The following EML5 variants were observed in gnomAD, a reference collection of about 807,000 sequenced individuals.
EML5 encodes EMAP like 5, also known as echinoderm microtubule-associated protein-like 5.
EML5 carries 120 observed loss-of-function variants against 250.0 expected under a neutral mutation model. The observed-to-expected ratio is 0.48, with a 90% CI of 0.41 to 0.56. The LOEUF is 0.56. EML5 is among the 20% of genes least tolerant of loss of function. The pLI is 0.00. For synonymous variants in EML5, 771 were observed against 806.5 expected (o/e 0.96, Z 0.75); for missense variants, 2,006 against 2,437.6 (o/e 0.82, Z 3.73).
At chr14:88,691,372 G>A (rs2092955515) in intron 17 of EML5, among the ~76,000 whole-genome samples, 1 of 152,146 alleles carries the variant, frequency 6.6e-6, no homozygotes, top group Admixed American at 6.5e-5. Flanking sequence ...CCTTGATTTT[G>A]TCCTTTGGCC....
intron 31 of EML5, among the ~76,000 whole-genome samples, chr14:88,642,091 G>A (rs1313109715): frequency 2.6e-5 from 4 of 152,040 alleles, no homozygotes; most frequent in African/African-American, 4.8e-5. Context: ...GGTTAATACC[G>A]ACAAGAGGTG....
In EML5 at chr14:88,649,824, T is replaced by C. The variant is rs531550899; in HGVS notation, c.4019+88A>G. ...TGTTGACAAATGTAGTTAAATGTTT[T>C]ATAGGGAAAAAATACCTTAAAATAC... On this transcript the variant is annotated intron_variant, in intron 28 of 43. Transcript: ENST00000554922. 4.7e-5 allele frequency: 52 copies of C among 1,103,788 alleles called. No homozygotes were observed. The African/African-American group carries it at 8.4e-4, about 18-fold the overall frequency. The allele number at this position is 1,103,788 out of a possible 1,614,324, so 68.4% of individuals were successfully genotyped here.
intron 4 of EML5, among the ~76,000 whole-genome samples, chr14:88,742,169 T>C (rs905060180): frequency 6.6e-6 from 1 of 152,116 alleles, no homozygotes; most frequent in Non-Finnish European, 1.5e-5. Flanking sequence ...CCAAATTATT[T>C]TGATGCTCAG....
Position 88,726,683 on chromosome 14 carries a change from A to G in EML5, c.1050-5T>C. On this transcript the variant is annotated splice_region_variant and splice_polypyrimidine_tract_variant and intron_variant, in intron 7 of 43. Transcript: ENST00000554922. ...TGATCTACTAGGCTCCATATCCTGT[A>G]AAATTTAATTTAAAAAATAAAAAAG... 2 of 1,522,914 alleles carry G rather than the reference A, an allele frequency of 1.3e-6. No individual in the cohort carries two copies. Among genetic ancestry groups the G allele is most frequent in the Non-Finnish European group, 8.8e-7 (1 of 1,135,516 alleles). 94.3% of individuals were successfully genotyped at this position (1,522,914 alleles called of 1,614,324 possible).
intron 10 of EML5, among the ~76,000 whole-genome samples, chr14:88,710,337 C>T (rs1051918622): frequency 6.6e-6 from 1 of 152,180 alleles, no homozygotes; most frequent in Admixed American, 6.5e-5. Context: ...GATTCTATAA[C>T]ATAAACTACT....
At chr14:88,632,497 T>C (rs1305657685) in intron 33 of EML5, among the ~76,000 whole-genome samples, 3 of 152,208 alleles carry the variant, frequency 2.0e-5, no homozygotes, top group African/African-American at 7.2e-5. Context: ...ATGACCACTA[T>C]CCCTCTCTAC....
chr14:88,626,008 C>T (rs1283247664), intron 35 of EML5: 1 of 152,334 alleles, frequency 6.6e-6, no homozygotes, highest in African/African-American at 2.4e-5. Flanking sequence ...GTCTCCTGAA[C>T]ACCCTTCTGT....
chr14:88,756,225 C>T (rs776920904), intron 1 of EML5, among the ~76,000 whole-genome samples: 2 of 152,048 alleles, frequency 1.3e-5, no homozygotes, highest in African/African-American at 4.8e-5. Context: ...ACAAATATGG[C>T]ATATTAACAG....
At chr14:88,662,336 C>CTTTT (rs1244105674) in intron 24 of EML5, among the ~76,000 whole-genome samples, 5 of 32,580 alleles carry the variant, frequency 1.5e-4, no homozygotes, top group African/African-American at 6.9e-4. Flanking sequence ...CACAATTTTT[C>CTTTT]TTGTTTTTTT....
intron 17 of EML5, among the ~76,000 whole-genome samples, chr14:88,692,153 T>C (rs1247671709): frequency 6.6e-6 from 1 of 152,092 alleles, no homozygotes; most frequent in Non-Finnish European, 1.5e-5. Flanking sequence ...GGCGGGTTGA[T>C]CACCTGGAGT....
chr14:88,771,592 A>G (rs1264389375), intron 1 of EML5, among the ~76,000 whole-genome samples: 1 of 152,206 alleles, frequency 6.6e-6, no homozygotes, highest in African/African-American at 2.4e-5. Flanking sequence ...ACTTCTCAAA[A>G]GAGGTGTCTC....
At chr14:88,741,270 C>A (rs775669704) in intron 4 of EML5, among the ~76,000 whole-genome samples, 3 of 152,142 alleles carry the variant, frequency 2.0e-5, no homozygotes, top group Non-Finnish European at 4.4e-5. Flanking sequence ...CTAACATACT[C>A]TCTCTGATAG....
intron 7 of EML5, among the ~76,000 whole-genome samples, chr14:88,733,970 A>G (rs1433283567): frequency 6.6e-6 from 1 of 152,088 alleles, no homozygotes; most frequent in Non-Finnish European, 1.5e-5. Flanking sequence ...AACAACAACA[A>G]CAACAAGAAT....
intron 21 of EML5, among the ~76,000 whole-genome samples, chr14:88,673,029 T>C (rs866923569): frequency 1.6e-4 from 24 of 152,148 alleles, no homozygotes; most frequent in African/African-American, 5.1e-4. Context: ...CCTCCCTAAC[T>C]CATTTTTTGA....
chr14:88,638,943 T>A (rs1152383), intron 31 of EML5, 36 bp from the exon 32 acceptor site: 1,024,843 of 1,490,148 alleles, frequency 0.69, 361,397 homozygotes, highest in Non-Finnish European at 0.73. Context: ...GTTTGAAAAT[T>A]TTAAGATGTA....
chr14:88,693,125 AT>A (rs1217486666), intron 17 of EML5, among the ~76,000 whole-genome samples: 1 of 152,058 alleles, frequency 6.6e-6, no homozygotes, highest in Non-Finnish European at 1.5e-5. Context: ...TTTAATTTTC[AT>A]TTTCAGTTTA....
At chr14:88,771,423 C>A (rs1434366523) in intron 1 of EML5, among the ~76,000 whole-genome samples, 1 of 152,170 alleles carries the variant, frequency 6.6e-6, no homozygotes, top group African/African-American at 2.4e-5. Flanking sequence ...TCCCATTCTC[C>A]TTAGTTTCAA....
At chr14:88,639,108 C>T (rs925260285) in intron 31 of EML5, among the ~76,000 whole-genome samples, 1 of 152,126 alleles carries the variant, frequency 6.6e-6, no homozygotes, top group Non-Finnish European at 1.5e-5. Context: ...AAGGGATAAA[C>T]AATACAGTAC....
intron 26 of EML5, 86 bp from the exon 27 acceptor site, chr14:88,657,588 A>T: frequency 7.7e-7 from 1 of 1,297,332 alleles, no homozygotes. Context: ...ATGTTCAACA[A>T]TATGAAATAA....
Sources: allele counts gnomAD v4.1 joint callset (sites outside exome capture counted in the v4.1 genomes callset), GRCh38; gene constraint gnomAD v4.1.1; transcripts MANE v1.5; gene names NCBI Gene and HGNC (gene_info 2026-07-23, HGNC 2026-07-21).